CPNE5: variants seen among roughly 807,000 people sequenced by gnomAD.
CPNE5 encodes copine-5.
A neutral mutation model predicts 81.1 loss-of-function variants in CPNE5; 42 were observed. That is an observed-to-expected ratio of 0.52 (90% CI 0.40 to 0.67). The LOEUF is 0.67. CPNE5 is among the 30% of genes least tolerant of loss of function. The pLI is 0.00. For missense variants in CPNE5, 612 were observed against 815.5 expected (o/e 0.75, Z 3.04); for synonymous variants, 313 against 321.5 (o/e 0.97, Z 0.28).
intron 1 of CPNE5, among the ~76,000 whole-genome samples, chr6:36,829,624 C>G (rs371875069): frequency 9.9e-5 from 15 of 152,026 alleles, no homozygotes; most frequent in Admixed American, 5.2e-4. Context: ...ACCAGCCTGA[C>G]CAATATGGTG....
chr6:36,810,992 A>G (rs1771049961), intron 3 of CPNE5, among the ~76,000 whole-genome samples: 1 of 152,158 alleles, frequency 6.6e-6, no homozygotes, highest in South Asian at 2.1e-4. Context: ...AAACTTTACC[A>G]AGCTTAGAAT....
intron 3 of CPNE5, among the ~76,000 whole-genome samples, chr6:36,811,146 C>T (rs58806396): frequency 0.046 from 6,951 of 152,238 alleles, 452 homozygotes; most frequent in African/African-American, 0.15. Flanking sequence ...CACTCTCCAC[C>T]ACCTTGTCCC....
intron 3 of CPNE5, among the ~76,000 whole-genome samples, chr6:36,804,275 A>G (rs1279934667): frequency 1.3e-5 from 2 of 152,206 alleles, no homozygotes; most frequent in African/African-American, 2.4e-5. Flanking sequence ...GCATTTGTAC[A>G]AGTCCCAGTA....
At chr6:36,802,867 T>C (rs1770251036) in intron 3 of CPNE5, among the ~76,000 whole-genome samples, 1 of 152,022 alleles carries the variant, frequency 6.6e-6, no homozygotes, top group African/African-American at 2.4e-5. Flanking sequence ...CTGGCCAACA[T>C]GGTGAAACCC....
intron 11 of CPNE5, 68 bp downstream of exon 11, chr6:36,765,267 G>A (rs1766455706): frequency 6.4e-7 from 1 of 1,557,376 alleles, no homozygotes. Flanking sequence ...CTCCGCATGG[G>A]AGGGCAGGGC....
At position 36,811,856 on chromosome 6, in the gene CPNE5, C is replaced by T. The variant is rs113986024; in HGVS notation, c.183+10258G>A. 5.2e-3 allele frequency among the ~76,000 whole-genome samples: 797 copies of T among 152,222 alleles called. 4 individuals are homozygous for T. Among genetic ancestry groups the T allele is most frequent in the Non-Finnish European group, 8.3e-3 (565 of 68,022 alleles). On this transcript the variant is annotated intron_variant, in intron 3 of 20. Coordinates refer to ENST00000244751, the MANE Select transcript of CPNE5 (RefSeq NM_020939.2). ...CAGTGGCTCATGACTGTAATCCCAG[C>T]ACTTTGGGAGGCCGAGGTGGGCGGA...
intron 1 of CPNE5, among the ~76,000 whole-genome samples, chr6:36,824,272 C>T (rs1772315313): frequency 6.6e-6 from 1 of 152,196 alleles, no homozygotes; most frequent in Admixed American, 6.5e-5. Context: ...TGCTCAGCTT[C>T]TTCACTCACC....
At chr6:36,834,254 CAAAAAAAAAAAAA>C (rs1157250827) in intron 1 of CPNE5, among the ~76,000 whole-genome samples, 1 of 21,684 alleles carries the variant, frequency 4.6e-5, no homozygotes, top group Admixed American at 7.7e-4. Flanking sequence ...GACTGTATCT[CAAAAAAAAAAAAA>C]AAAAAAAAAA....
intron 8 of CPNE5, among the ~76,000 whole-genome samples, chr6:36,789,830 G>A (rs1408601231): frequency 6.6e-6 from 1 of 152,192 alleles, no homozygotes; most frequent in East Asian, 1.9e-4. Context: ...GTCCTGCCCT[G>A]GGGGTGCACA....
At chr6:36,780,116 A>G (rs1160298783) in intron 8 of CPNE5, among the ~76,000 whole-genome samples, 1 of 151,948 alleles carries the variant, frequency 6.6e-6, no homozygotes, top group Non-Finnish European at 1.5e-5. Flanking sequence ...GGCGCCCGCC[A>G]CCACACCTAG....
chr6:36,742,293 G>T lies in CPNE5; in HGVS notation c.1757C>A (p.Ala586Glu). 6.3e-7 allele frequency: 1 copy of T among 1,599,470 alleles called. No individual in the cohort carries two copies. The highest frequency in any genetic ancestry group is 8.5e-7 in the Non-Finnish European group (1 of 1,175,170). Residue 586 changes from alanine to glutamate, a missense_variant, in exon 21 of 21, where the codon GCG becomes GAG. Coordinates refer to ENST00000244751, the MANE Select transcript of CPNE5 (RefSeq NM_020939.2). ...TCAGATGTGCGTGTGCAGGGGGGAC[G>T]CAGGGGGCGTGCGGGCTGGGGACTG... ...PSQSPARTPP[A>E]SPLHTHI
rs985559124 is a variant in CPNE5, at chr6:36,763,085, A to C, written c.780-93T>G. 1.1e-5 allele frequency: 13 copies of C among 1,138,210 alleles called. No homozygotes were observed. In the African/African-American group the frequency reaches 1.2e-4, roughly 11 times the overall value. The allele number at this position is 1,138,210 out of a possible 1,614,324, so 70.5% of individuals were successfully genotyped here. ...GCACACATCCGTTTCTTTGGCTCCC[A>C]ATTCTACCTGGGACTCCACTCCAGG... On this transcript the variant is annotated intron_variant, in intron 11 of 20. Transcript: ENST00000244751.
chr6:36,806,486 C>T (rs971696999), intron 3 of CPNE5, among the ~76,000 whole-genome samples: 3 of 152,156 alleles, frequency 2.0e-5, no homozygotes, highest in Non-Finnish European at 2.9e-5. Flanking sequence ...CTTCTCCCAT[C>T]GCCACGGCAA....
rs1481049721 is a variant in CPNE5, at chr6:36,790,721, T to C, written c.528+1312A>G. The stretch of plus-strand genomic sequence containing the variant: ...GCCGGGCCCAACTAATTTTTTGTGT[T>C]TTTAGTAGAGACGGGGTTTCACCAT... On this transcript the variant is annotated intron_variant, in intron 8 of 20. Transcript: ENST00000244751. 2.0e-5 allele frequency among the ~76,000 whole-genome samples: 3 copies of C among 152,124 alleles called. No individual in the cohort carries two copies. The East Asian group carries it at 5.8e-4, about 29-fold the overall frequency.
chr6:36,754,946 C>T (rs1765261442), intron 13 of CPNE5: 2 of 152,218 alleles, frequency 1.3e-5, no homozygotes, highest in South Asian at 4.1e-4. Context: ...TGCTGACAGC[C>T]TCTCCACTAA....
intron 10 of CPNE5, among the ~76,000 whole-genome samples, chr6:36,773,729 G>A (rs1767245182): frequency 6.6e-6 from 1 of 152,152 alleles, no homozygotes; most frequent in Admixed American, 6.5e-5. Flanking sequence ...GATTGCCCAG[G>A]TTGACAGTGC....
chr6:36,746,358 C>T lies in CPNE5; in HGVS notation c.1200+38G>A, dbSNP rs1405111484. On this transcript the variant is annotated intron_variant, in intron 16 of 20. Coordinates refer to ENST00000244751, the MANE Select transcript of CPNE5 (RefSeq NM_020939.2). The surrounding 1 kb of genome is among the most constrained non-coding windows in gnomAD (Gnocchi z 4.5). ...CCCCAGCTTGTCACCTCACCCCCAG[C>T]CTGATCAGTCCTCTCTCCCACCAGC... The T allele has an allele frequency of 6.4e-6, 10 of 1,560,852 alleles. No homozygotes were observed. Among genetic ancestry groups the T allele is most frequent in the Non-Finnish European group, 8.7e-6 (10 of 1,152,738 alleles).
At chr6:36,826,081 G>A (rs1772477357) in intron 1 of CPNE5, among the ~76,000 whole-genome samples, 1 of 152,148 alleles carries the variant, frequency 6.6e-6, no homozygotes, top group Admixed American at 6.5e-5. Context: ...CTCGGATCTG[G>A]TCATATCCAG....
intron 1 of CPNE5, among the ~76,000 whole-genome samples, chr6:36,832,975 G>A (rs1284426677): frequency 6.6e-6 from 1 of 152,160 alleles, no homozygotes; most frequent in Non-Finnish European, 1.5e-5. Context: ...TGCTCCCCAA[G>A]GATTCCTCCA....
Sources: allele counts gnomAD v4.1 joint callset (sites outside exome capture counted in the v4.1 genomes callset), GRCh38; gene constraint gnomAD v4.1.1; non-coding constraint Gnocchi (gnomAD v3.1); transcripts MANE v1.5; gene names NCBI Gene and HGNC (gene_info 2026-07-23, HGNC 2026-07-21).